The following FRS2 variants were observed in gnomAD, a reference collection of about 807,000 sequenced individuals.
FRS2 encodes FGFR signalling adaptor.
A neutral mutation model predicts 43.9 loss-of-function variants in FRS2; 8 were observed. That is an observed-to-expected ratio of 0.18 (90% confidence interval 0.11 to 0.33). The LOEUF is 0.33. FRS2 is among the 10% of genes least tolerant of loss of function. The pLI, the probability that FRS2 is intolerant of heterozygous loss-of-function variation, is 1.00. For missense variants in FRS2, 534 were observed against 627.6 expected (o/e 0.85, Z 1.59); for synonymous variants, 219 against 220.3 (o/e 0.99, Z 0.05).
At chr12:69,552,297 C>T (rs1371179113) in intron 3 of FRS2, among the ~76,000 whole-genome samples, 3 of 79,314 alleles carry the variant, frequency 3.8e-5, no homozygotes, top group Non-Finnish European at 7.3e-5. Context: ...AGCGAAACTC[C>T]GTCTCAAAAA....
intron 1 of FRS2, among the ~76,000 whole-genome samples, chr12:69,498,779 C>CT (rs1873160751): frequency 6.6e-6 from 1 of 152,108 alleles, no homozygotes; most frequent in African/African-American, 2.4e-5. Flanking sequence ...GTGGGAAACA[C>CT]TGTGAGCCAA....
intron 4 of FRS2, among the ~76,000 whole-genome samples, chr12:69,564,848 A>C (rs1346889563): frequency 2.0e-5 from 3 of 152,172 alleles, no homozygotes; most frequent in African/African-American, 7.2e-5. Flanking sequence ...GTGTAGGATA[A>C]ATTCCTTTCT....
intron 3 of FRS2, chr12:69,557,912 C>A (rs557524595): frequency 6.6e-6 from 1 of 152,010 alleles, no homozygotes; most frequent in Non-Finnish European, 1.5e-5. Context: ...TTTTAAAAAG[C>A]TAGTTTTTTA....
intron 3 of FRS2, among the ~76,000 whole-genome samples, chr12:69,546,322 A>G (rs1878402756): frequency 1.3e-5 from 2 of 151,126 alleles, no homozygotes; most frequent in African/African-American, 2.4e-5. Flanking sequence ...CAGTGGTGTG[A>G]TCTCGGCTCA....
intron 1 of FRS2, among the ~76,000 whole-genome samples, chr12:69,522,234 G>GTC (rs1875745789): frequency 1.4e-5 from 2 of 146,068 alleles, no homozygotes; most frequent in East Asian, 4.0e-4. Flanking sequence ...GTGTGTGTGT[G>GTC]TGTCTCTGCC....
At chr12:69,572,307 C>T in intron 8 of FRS2, 26 bp downstream of exon 8, 8 of 1,576,194 alleles carry the variant, frequency 5.1e-6, no homozygotes, top group Non-Finnish European at 5.2e-6. Context: ...TGTGTAACAG[C>T]AATAATGATT....
Position 69,572,220 on chromosome 12 carries a change from G to A in FRS2, c.515G>A (p.Ser172Asn). The A allele has an allele frequency of 1.2e-6, 2 of 1,613,830 alleles. No homozygotes were observed. Among genetic ancestry groups the A allele is most frequent in the Non-Finnish European group, 1.7e-6 (2 of 1,179,744 alleles). The stretch of plus-strand genomic sequence containing the variant: ...TCAAGCAGACATCCTTCTGTGGGAA[G>A]TGCTCGCCTGCCTTCAGTAGGGGAA... ...HPSSRHPSVG[S>N]ARLPSVGEES... The change falls in exon 8 of 9, where the codon AGT (serine) becomes AAT (asparagine). Residue 172 changes from serine to asparagine, a missense_variant. Physicochemically the swap from Ser to Asn is conservative, Grantham distance 46. Around this residue, in one of 3 missense-constraint regions of FRS2, gnomAD observed 446 missense variants for 494.2 expected, o/e 0.90. Transcript: ENST00000549921.
Position 69,518,168 on chromosome 12 carries a change from T to C in FRS2, c.-260-12697T>C, listed in dbSNP as rs2135597304. On this transcript the variant is annotated intron_variant, in intron 1 of 8. Transcript: ENST00000549921. Reference sequence around the variant, plus strand: ...TGAGTGCTTTGAGATATGGATTTATTGAAGACCTCTTCATGAAACATGAAT... The same window carrying C: ...TGAGTGCTTTGAGATATGGATTTATCGAAGACCTCTTCATGAAACATGAAT... Among the ~76,000 whole-genome samples the C allele has an allele frequency of 2.0e-5, 3 of 152,358 alleles. No individual in the cohort carries two copies. The East Asian group carries it at 5.8e-4, about 29-fold the overall frequency.
chr12:69,503,727 C>T (rs1383492964), intron 1 of FRS2, among the ~76,000 whole-genome samples: 1 of 152,118 alleles, frequency 6.6e-6, no homozygotes, highest in East Asian at 1.9e-4. Flanking sequence ...TTTACCTCTT[C>T]AGTGCTAGGA....
chr12:69,525,100 C>A (rs1876076704), intron 1 of FRS2, among the ~76,000 whole-genome samples: 1 of 151,978 alleles, frequency 6.6e-6, no homozygotes, highest in Non-Finnish European at 1.5e-5. Context: ...TTTCTCCTGG[C>A]TTCATGTAGT....
At chr12:69,525,945 C>T (rs758219625) in intron 1 of FRS2, among the ~76,000 whole-genome samples, 11 of 152,018 alleles carry the variant, frequency 7.2e-5, no homozygotes, top group African/African-American at 9.7e-5. Context: ...AACTTCCTTC[C>T]GCCCCCTGGG....
chr12:69,579,769 C>T lies in FRS2; in HGVS notation c.*4814C>T, dbSNP rs1210323666. The T allele has an allele frequency of 6.6e-6, 1 of 152,144 alleles. No individual in the cohort carries two copies. The highest frequency in any genetic ancestry group is 1.5e-5 in the Non-Finnish European group (1 of 68,018). The allele number at this position is 152,144 out of a possible 1,614,324, so 9.4% of individuals were successfully genotyped here. ...AGATTGCAATAAAACCCCAATAAAA[C>T]GTTTGGTCGGATATCTACTTAAAAG... On this transcript the variant is annotated 3_prime_UTR_variant, in exon 9 of 9. Coordinates refer to ENST00000549921, the MANE Select transcript of FRS2 (RefSeq NM_001278356.2).
At chr12:69,550,583 CAAGACCTGTCTCA>C (rs1878788866) in intron 3 of FRS2, among the ~76,000 whole-genome samples, 8 of 152,198 alleles carry the variant, frequency 5.3e-5, no homozygotes, top group African/African-American at 1.9e-4. Context: ...GGCGGTGGAG[CAAGACCTGTCTCA>C]AAACATACAA....
intron 3 of FRS2, among the ~76,000 whole-genome samples, chr12:69,541,552 G>A (rs1212168531): frequency 2.6e-5 from 4 of 152,086 alleles, no homozygotes; most frequent in Admixed American, 2.6e-4. Context: ...TGGGCCAGGT[G>A]CAGTGGCTCA....
intron 3 of FRS2, among the ~76,000 whole-genome samples, chr12:69,549,864 TG>T (rs1355760443): frequency 6.6e-6 from 1 of 152,228 alleles, no homozygotes; most frequent in East Asian, 1.9e-4. Context: ...ACCACACTCT[TG>T]GGGGTTGTCC....
Position 69,572,248 on chromosome 12 carries a change from A to ATG in FRS2, c.544_545insGT (p.Ser182CysfsTer73). On this transcript the variant is annotated frameshift_variant, in exon 8 of 9. Transcript: ENST00000549921. LOFTEE classifies it high-confidence loss of function. ...CTCGCCTGCCTTCAGTAGGGGAAGAATCTACACATCCTTTGCTTGTGGCTG... is the reference window on the plus strand; with the variant it reads ...CTCGCCTGCCTTCAGTAGGGGAAGAATGTCTACACATCCTTTGCTTGTGGCTG... 1 of 1,613,844 alleles carries ATG rather than the reference A, an allele frequency of 6.2e-7. No individual in the cohort carries two copies. Among genetic ancestry groups the ATG allele is most frequent in the Non-Finnish European group, 8.5e-7 (1 of 1,179,826 alleles).
chr12:69,574,783 C>T lies in FRS2; in HGVS notation c.1355C>T (p.Thr452Ile). 6.2e-7 allele frequency: 1 copy of T among 1,614,150 alleles called. No individual in the cohort carries two copies. Among genetic ancestry groups the T allele is most frequent in the Non-Finnish European group, 8.5e-7 (1 of 1,180,020 alleles). Residue 452 changes from threonine (T) to isoleucine (I), a missense_variant, in exon 9 of 9, where the codon ACT (threonine) becomes ATT (isoleucine). Thr to Ile is a moderately conservative substitution (Grantham distance 89, BLOSUM62 -1). Transcript: ENST00000549921. ...EGGSDSDNPQ[T>I]PKTPTTPLPQ... is the part of the protein sequence containing the mutation. ...GGCAGTGACTCTGACAACCCTCAGA[C>T]TCCAAAAACGCCTACAACTCCCCTT... is the stretch of plus-strand genomic sequence containing the variant.
intron 1 of FRS2, among the ~76,000 whole-genome samples, chr12:69,480,723 G>C (rs1431202982): frequency 6.6e-6 from 1 of 151,958 alleles, no homozygotes; most frequent in Admixed American, 6.6e-5. Flanking sequence ...TTTTTGGGTA[G>C]TCTTATTCCT....
chr12:69,508,490 CAG>C (rs1444008391), intron 1 of FRS2, among the ~76,000 whole-genome samples: 1 of 152,106 alleles, frequency 6.6e-6, no homozygotes, highest in Non-Finnish European at 1.5e-5. Flanking sequence ...TAAGAATTAA[CAG>C]AAATTAATAA....
Sources: gnomAD v4.1 joint callset for allele counts (sites outside exome capture counted in the v4.1 genomes callset) on GRCh38, gnomAD v4.1.1 for gene constraint, gnomAD v4.1.1 regional missense constraint, MANE v1.5 for transcripts, NCBI Gene and HGNC (gene_info 2026-07-23, HGNC 2026-07-21) for gene names.